Variants in EIF4ENIF1 observed in about 807,000 individuals in gnomAD.
EIF4ENIF1 encodes eukaryotic translation initiation factor 4E transporter.
In EIF4ENIF1, 23 loss-of-function variants were observed where a neutral mutation model predicts 110.5. That is an observed-to-expected ratio of 0.21 (90% CI 0.15 to 0.29). EIF4ENIF1 has a LOEUF of 0.29. Ranked by LOEUF, EIF4ENIF1 falls within the 10% of genes least tolerant of loss-of-function variation. The pLI is 1.00. For missense variants in EIF4ENIF1, 1,031 were observed against 1,221.1 expected (o/e 0.84, Z 2.32); for synonymous variants, 440 against 437.0 (o/e 1.01, Z -0.09).
chr22:31,437,277 C>T (rs2050184236), downstream of EIF4ENIF1: 1 of 152,180 alleles, frequency 6.6e-6, no homozygotes. Flanking sequence ...TCTATATCCT[C>T]AGCTTCTCTT....
At chr22:31,488,522 G>C in intron 2 of EIF4ENIF1, 101 bp downstream of exon 2, 2 of 1,512,860 alleles carry the variant, frequency 1.3e-6, no homozygotes, top group Non-Finnish European at 1.8e-6. Context: ...CATGTAGTGA[G>C]TCAGAATGAG....
chr22:31,447,715 T>C, intron 13 of EIF4ENIF1, 150 bp from the exon 14 acceptor site: 1 of 826,796 alleles, frequency 1.2e-6, no homozygotes, highest in South Asian at 2.1e-5. Context: ...GCCATCGCAG[T>C]GAACAAGATT....
intron 2 of EIF4ENIF1, among the ~76,000 whole-genome samples, chr22:31,479,640 TTATGAG>T (rs2051734234): frequency 6.6e-6 from 1 of 151,928 alleles, no homozygotes; most frequent in Non-Finnish European, 1.5e-5. Flanking sequence ...TGCTTCCTTC[TTATGAG>T]TATTTCAAGA....
At chr22:31,441,493 T>C (rs947191332) in intron 17 of EIF4ENIF1, among the ~76,000 whole-genome samples, 9 of 148,234 alleles carry the variant, frequency 6.1e-5, no homozygotes, top group Admixed American at 3.5e-4. Context: ...TGAGCTGAGA[T>C]TGCGCCACTG....
rs981242665 is a variant in EIF4ENIF1, at chr22:31,489,678, C to G, written c.-28+16G>C. 6.6e-6 allele frequency: 1 copy of G among 150,904 alleles called. No individual in the cohort carries two copies. Among genetic ancestry groups the G allele is most frequent in the African/African-American group, 2.4e-5 (1 of 41,108 alleles). The allele number at this position is 150,904 out of a possible 1,614,324, so 9.3% of individuals were successfully genotyped here. On this transcript the variant is annotated intron_variant, in intron 1 of 18. Transcript: ENST00000330125. Reference sequence around the variant, plus strand: ...GCGGTGCCCCGGACCCAGCCGCCACCGCCGCCGACCCTTACTCGGTGCCTC... The same window carrying G: ...GCGGTGCCCCGGACCCAGCCGCCACGGCCGCCGACCCTTACTCGGTGCCTC...
chr22:31,450,844 TACACACAC>T (rs372740127), intron 10 of EIF4ENIF1: 9,095 of 121,014 alleles, frequency 0.075, 363 homozygotes, highest in East Asian at 0.18. Flanking sequence ...ATATATATAC[TACACACAC>T]ACACACACAC....
At chr22:31,458,435 A>G (rs775641004) in intron 7 of EIF4ENIF1, 40 bp downstream of exon 7, 4 of 1,361,370 alleles carry the variant, frequency 2.9e-6, no homozygotes, top group Admixed American at 5.4e-5. Flanking sequence ...ACTCAGGTCA[A>G]ATTTAACCAC....
chr22:31,479,084 A>G (rs982695871), intron 2 of EIF4ENIF1, among the ~76,000 whole-genome samples: 1 of 144,370 alleles, frequency 6.9e-6, no homozygotes, highest in Non-Finnish European at 1.5e-5. Context: ...CTCGAAAGAA[A>G]TTTTTTTTTT....
chr22:31,481,380 G>A (rs535633895), intron 2 of EIF4ENIF1, among the ~76,000 whole-genome samples: 10 of 151,244 alleles, frequency 6.6e-5, no homozygotes, highest in South Asian at 2.1e-4. Context: ...CAGTCTGGTC[G>A]TGAACTCCTG....
chr22:31,452,739 G>C (rs9619199), intron 10 of EIF4ENIF1, among the ~76,000 whole-genome samples: 1,852 of 152,244 alleles, frequency 0.012, 37 homozygotes, highest in African/African-American at 0.042. Context: ...GAAAGCATTT[G>C]TATCTAATAA....
chr22:31,481,328 ATTT>A (rs35792669), intron 2 of EIF4ENIF1, among the ~76,000 whole-genome samples: 3 of 147,614 alleles, frequency 2.0e-5, no homozygotes, highest in African/African-American at 7.5e-5. Flanking sequence ...ACCTCTGGCA[ATTT>A]TTTTTTTTTT....
intron 2 of EIF4ENIF1, among the ~76,000 whole-genome samples, chr22:31,475,678 G>A (rs2051544573): frequency 6.7e-6 from 1 of 150,072 alleles, no homozygotes; most frequent in Non-Finnish European, 1.5e-5. Flanking sequence ...ATCTGAGTTC[G>A]CGCCACTGCA....
chr22:31,487,793 CAAAAAA>C (rs35367724), intron 2 of EIF4ENIF1, among the ~76,000 whole-genome samples: 3 of 69,006 alleles, frequency 4.3e-5, no homozygotes, highest in Non-Finnish European at 9.0e-5. Flanking sequence ...CTGTCGGGTG[CAAAAAA>C]AAAAAAAAAA....
intron 7 of EIF4ENIF1, among the ~76,000 whole-genome samples, chr22:31,457,851 T>C (rs2050875429): frequency 6.6e-6 from 1 of 152,208 alleles, no homozygotes; most frequent in Non-Finnish European, 1.5e-5. Context: ...AATTAAAATA[T>C]AAGATAAGCA....
intron 3 of EIF4ENIF1, among the ~76,000 whole-genome samples, chr22:31,470,696 T>C (rs1209101926): frequency 6.6e-6 from 1 of 150,568 alleles, no homozygotes; most frequent in Non-Finnish European, 1.5e-5. Flanking sequence ...TTTTTTTTTT[T>C]TTTTTTTTGA....
intron 2 of EIF4ENIF1, among the ~76,000 whole-genome samples, chr22:31,473,618 A>G (rs1213971522): frequency 6.6e-6 from 1 of 152,168 alleles, no homozygotes; most frequent in Non-Finnish European, 1.5e-5. Flanking sequence ...GGTTGGTCTG[A>G]TGTTTTCTCA....
chr22:31,439,263 T>C (rs372047446), downstream of EIF4ENIF1: 4 of 152,760 alleles, frequency 2.6e-5, no homozygotes, highest in South Asian at 2.1e-4. Context: ...TGAGCCACGA[T>C]TGCACCACTG....
At chr22:31,466,557 A>G (rs979287263) in intron 4 of EIF4ENIF1, among the ~76,000 whole-genome samples, 1 of 149,284 alleles carries the variant, frequency 6.7e-6, no homozygotes, top group Non-Finnish European at 1.5e-5. Flanking sequence ...ACTCCAGCCT[A>G]GGCAACAGAG....
chr22:31,458,743 C>G, intron 6 of EIF4ENIF1, 93 bp from the exon 7 acceptor site: 1 of 1,180,076 alleles, frequency 8.5e-7, no homozygotes, highest in South Asian at 2.1e-5. Context: ...GTAGAAGAGC[C>G]ACACATGACT....
Sources: allele counts gnomAD v4.1 joint callset (sites outside exome capture counted in the v4.1 genomes callset), GRCh38; gene constraint gnomAD v4.1.1; transcripts MANE v1.5; gene names NCBI Gene and HGNC (gene_info 2026-07-23, HGNC 2026-07-21).